Variants in DCHS1 observed in about 807,000 individuals in gnomAD.
DCHS1 encodes the protein dachsous cadherin-related 1.
A neutral mutation model predicts 213.9 loss-of-function variants in DCHS1; 78 were observed. The observed-to-expected ratio is 0.36, with a 90% confidence interval of 0.30 to 0.44. The LOEUF is 0.44. Ranked by LOEUF, DCHS1 falls within the 20% of genes least tolerant of loss-of-function variation. The pLI is 1.00. For missense variants in DCHS1, 3,946 were observed against 4,395.9 expected, an observed-to-expected ratio of 0.90 and a Z score of 2.89; for synonymous variants, 1,828 against 1,873.7, an observed-to-expected ratio of 0.98 and a Z score of 0.63.
Position 6,622,261 on chromosome 11 carries a change from C to G in DCHS1, c.9415G>C (p.Gly3139Arg). Reference sequence around the variant, plus strand: ...AGCGCACCTGCCACACATGGCTTGCCATCTGCTGGGAAGCCATAGTCCCCA... The same window carrying G: ...AGCGCACCTGCCACACATGGCTTGCGATCTGCTGGGAAGCCATAGTCCCCA... Reference protein sequence around the residue: ...PTGDYGFPADGKPCVAGALTA... With the variant: ...PTGDYGFPADRKPCVAGALTA... The change falls in exon 21 of 21, where the codon GGC (glycine) becomes CGC (arginine). Residue 3139 changes from glycine (G) to arginine (R), a missense_variant. Physicochemically the swap from Gly to Arg is moderately radical, Grantham distance 125. This residue lies in a region of DCHS1 where 554 missense variants were observed against 590.2 expected (regional missense o/e 0.94). Transcript: ENST00000299441. The surrounding 1 kb of genome is among the most constrained non-coding windows in gnomAD (Gnocchi z 5.4). 1.2e-6 allele frequency: 2 copies of G among 1,604,640 alleles called. No individual in the cohort carries two copies. Among genetic ancestry groups the G allele is most frequent in the Non-Finnish European group, 1.7e-6 (2 of 1,176,650 alleles).
At chr11:6,652,788 T>G (rs1856263109) in intron 1 of DCHS1, among the ~76,000 whole-genome samples, 1 of 152,146 alleles carries the variant, frequency 6.6e-6, no homozygotes, top group Non-Finnish European at 1.5e-5. Context: ...GAAGACCAGG[T>G]TGTCCACTCT....
Position 6,634,144 on chromosome 11 carries a change from C to A in DCHS1, c.1960G>T (p.Asp654Tyr), listed in dbSNP as rs750909567. ...LDRDQGPSSFDFTVTAVDGGG... is the reference protein window; with the variant it reads ...LDRDQGPSSFYFTVTAVDGGG... ...CCATCCACAGCTGTCACTGTGAAGT[C>A]AAAGCTTGAGGGCCCCTGGTCACGG... The change falls in exon 3 of 21, where the codon GAC becomes TAC. Residue 654 changes from aspartate to tyrosine, a missense_variant. Asp to Tyr is a radical substitution (Grantham distance 160, BLOSUM62 -3). This residue lies in a region of DCHS1 where 3,384 missense variants were observed against 3,780.1 expected (regional missense o/e 0.90). Coordinates refer to ENST00000299441, the MANE Select transcript of DCHS1 (RefSeq NM_003737.4). 1.2e-6 allele frequency: 2 copies of A among 1,607,314 alleles called. No individual in the cohort carries two copies. Among genetic ancestry groups the A allele is most frequent in the South Asian group, 2.2e-5 (2 of 90,424 alleles).
At chr11:6,646,944 AG>A (rs1212565616) in intron 1 of DCHS1, among the ~76,000 whole-genome samples, 2 of 151,910 alleles carry the variant, frequency 1.3e-5, no homozygotes, top group Non-Finnish European at 2.9e-5. Context: ...CTACAAGGGA[AG>A]GGGGTGCTCC....
Position 6,627,926 on chromosome 11 carries a change from T to A in DCHS1, c.5372-259A>T, listed in dbSNP as rs1020174184. 5.3e-5 allele frequency among the ~76,000 whole-genome samples: 8 copies of A among 152,192 alleles called. No homozygotes were observed. The highest frequency in any genetic ancestry group is 1.9e-4 in the African/African-American group (8 of 41,444). On this transcript the variant is annotated intron_variant, in intron 13 of 20. Coordinates refer to ENST00000299441, the MANE Select transcript of DCHS1 (RefSeq NM_003737.4). The surrounding 1 kb of genome is among the most constrained non-coding windows in gnomAD (Gnocchi z 5.4). ...ATTATTTCATAGCACTACTAAGCCA[T>A]TATATGGCCTTTTTATTCTCATCTC...
In DCHS1 at chr11:6,632,518, G is replaced by T; in HGVS notation, c.2994C>A (p.Pro998=). ...CACGGTAGGTAGGGCTGTTGAATCG[G>T]GGAGCCAGCCCACGGGTTCCCACAT... ...VQDVGTRGLA[P]RFNSPTYRVD... Residue 998 remains proline (P), a synonymous_variant, in exon 6 of 21, where the codon CCC becomes CCA. Coordinates refer to ENST00000299441, the MANE Select transcript of DCHS1 (RefSeq NM_003737.4). This position sits in a 1 kb window ranked among gnomAD's most constrained non-coding sequence, Gnocchi z 5.9. The T allele has an allele frequency of 6.5e-7, 1 of 1,545,024 alleles. No individual in the cohort carries two copies. The highest frequency in any genetic ancestry group is 8.7e-7 in the Non-Finnish European group (1 of 1,143,864).
rs760755094 is a variant in DCHS1, at chr11:6,627,590, C to T, written c.5449G>A (p.Val1817Met). Residue 1817 changes from valine (V) to methionine (M), a missense_variant, in exon 14 of 21, where the codon GTG becomes ATG. Val to Met is a conservative substitution (Grantham distance 21). Coordinates refer to ENST00000299441, the MANE Select transcript of DCHS1 (RefSeq NM_003737.4). The surrounding 1 kb of genome is among the most constrained non-coding windows in gnomAD (Gnocchi z 5.4). Reference protein sequence around the residue: ...FGTMRPLDREVEPAFQLRIEA... With the variant: ...FGTMRPLDREMEPAFQLRIEA... ...ATCCTCAGCTGGAAAGCTGGCTCCA[C>T]TTCTCTGTCTAGTGGCCGCATGGTG... The T allele has an allele frequency of 3.1e-6, 5 of 1,613,164 alleles. No individual in the cohort carries two copies. The South Asian group carries it at 3.3e-5, about 11-fold the overall frequency.
At position 6,622,072 on chromosome 11, in the gene DCHS1, G is replaced by A. The variant is rs1368771012; in HGVS notation, c.9604C>T (p.Pro3202Ser). ...TGGGCCACGGCAGTGATGAGGGGTG[G>A]TGGGTCGATACGGGGAGCTGGGGGA... ...PCPPAPRIDP[P>S]PLITAVAHPG... The change falls in exon 21 of 21, where the codon CCA becomes TCA. Residue 3202 changes from proline (P) to serine (S), a missense_variant. Physicochemically the swap from Pro to Ser is moderately conservative, Grantham distance 74. This residue lies in a region of DCHS1 where 554 missense variants were observed against 590.2 expected (regional missense o/e 0.94). Transcript: ENST00000299441. This position sits in a 1 kb window ranked among gnomAD's most constrained non-coding sequence, Gnocchi z 5.4. 2 of 1,612,876 alleles carry A rather than the reference G, an allele frequency of 1.2e-6. No homozygotes were observed. Among genetic ancestry groups the A allele is most frequent in the South Asian group, 1.1e-5 (1 of 91,068 alleles).
Position 6,629,583 on chromosome 11 carries a change from G to A in DCHS1, c.5036-6C>T, listed in dbSNP as rs368703927. ...AGTCACTTGCCCGTTGGCCCCTGAG[G>A]AGGGGCAGCATGGAGGGCGATCAGA... On this transcript the variant is annotated splice_polypyrimidine_tract_variant and splice_region_variant and intron_variant, in intron 11 of 20. Transcript: ENST00000299441. The A allele has an allele frequency of 4.3e-6, 7 of 1,613,676 alleles. No homozygotes were observed. The African/African-American group carries it at 5.3e-5, about 12-fold the overall frequency.
rs1044255646 is a variant in DCHS1 at position 6,621,677 on chromosome 11, C to A, written c.*102G>T. The A allele has an allele frequency of 1.4e-6, 2 of 1,393,050 alleles. No homozygotes were observed. Among genetic ancestry groups the A allele is most frequent in the Admixed American group, 2.0e-5 (1 of 50,710 alleles). The allele number at this position is 1,393,050 out of a possible 1,614,324, so 86.3% of individuals were successfully genotyped here. ...AGCTGGGGCCTGGTGGTGGCCTCCCCGTAGCCAGTCATAGTCCGAGGCTGC... is the reference window on the plus strand; with the variant it reads ...AGCTGGGGCCTGGTGGTGGCCTCCCAGTAGCCAGTCATAGTCCGAGGCTGC... On this transcript the variant is annotated 3_prime_UTR_variant, in exon 21 of 21. Transcript: ENST00000299441.
intron 5 of DCHS1, 118 bp from the exon 6 acceptor site, chr11:6,633,174 T>C: frequency 7.7e-7 from 1 of 1,294,108 alleles, no homozygotes; most frequent in South Asian, 1.5e-5. Flanking sequence ...TTCAAAATAT[T>C]AGGAGGAGGG....
intron 1 of DCHS1, among the ~76,000 whole-genome samples, chr11:6,647,645 C>T (rs928790952): frequency 6.6e-6 from 1 of 152,202 alleles, no homozygotes; most frequent in Non-Finnish European, 1.5e-5. Context: ...GGAAGGAATC[C>T]CGGCTTCCAT....
Position 6,625,797 on chromosome 11 carries a change from C to T in DCHS1, c.6732-70G>A. The T allele has an allele frequency of 1.3e-6, 2 of 1,585,860 alleles. No homozygotes were observed. Among genetic ancestry groups the T allele is most frequent in the Non-Finnish European group, 8.6e-7 (1 of 1,165,132 alleles). ...GGAACTCTGGGCAGGGCCAGGAGGA[C>T]TCAGGACAGAGCTTAGGGCTGGGGA... On this transcript the variant is annotated intron_variant, in intron 17 of 20. Coordinates refer to ENST00000299441, the MANE Select transcript of DCHS1 (RefSeq NM_003737.4). The surrounding 1 kb of genome is among the most constrained non-coding windows in gnomAD (Gnocchi z 5.3).
chr11:6,626,604 G>A lies in DCHS1; in HGVS notation c.6312C>T (p.Tyr2104=), dbSNP rs1222038604. The change falls in exon 15 of 21, where the codon TAC becomes TAT. Residue 2104 remains tyrosine, a synonymous_variant. Coordinates refer to ENST00000299441, the MANE Select transcript of DCHS1 (RefSeq NM_003737.4). The surrounding 1 kb of genome is among the most constrained non-coding windows in gnomAD (Gnocchi z 5.2). ...HAGGTNGPIT[Y]SILSGNEKGT... ...CTTTCTCATTCCCACTGAGAATGCT[G>A]TAGGTGATGGGTCCATTTGTGCCTC... 1 of 1,613,928 alleles carries A rather than the reference G, an allele frequency of 6.2e-7. No homozygotes were observed. Among genetic ancestry groups the A allele is most frequent in the African/African-American group, 1.3e-5 (1 of 74,930 alleles).
chr11:6,627,963 G>A lies in DCHS1; in HGVS notation c.5372-296C>T, dbSNP rs946213293. On this transcript the variant is annotated intron_variant, in intron 13 of 20. Transcript: ENST00000299441. The surrounding 1 kb of genome is among the most constrained non-coding windows in gnomAD (Gnocchi z 5.4). ...TTTATTCTCATCTCACAGATGTACA[G>A]TAGAATTTACAGATGCTCTATGACG... is the stretch of plus-strand genomic sequence containing the variant. Among the ~76,000 whole-genome samples, 1 of 152,208 alleles carries A rather than the reference G, an allele frequency of 6.6e-6. No individual in the cohort carries two copies. The highest frequency in any genetic ancestry group is 2.4e-5 in the African/African-American group (1 of 41,440).
Position 6,641,038 on chromosome 11 carries a change from C to T in DCHS1, c.576G>A (p.Arg192=). Residue 192 remains arginine, a synonymous_variant, in exon 2 of 21, where the codon CGG becomes CGA. Transcript: ENST00000299441. The surrounding 1 kb of genome is among the most constrained non-coding windows in gnomAD (Gnocchi z 7.1). The part of the protein sequence containing the change: ...LSGDGAGETF[R]LETRPGPDGT... The stretch of plus-strand genomic sequence containing the variant: ...CATCTGGACCGGGGCGTGTCTCCAG[C>T]CGGAAGGTCTCTCCAGCCCCATCAC... 1 of 1,614,024 alleles carries T rather than the reference C, an allele frequency of 6.2e-7. No individual in the cohort carries two copies. Among genetic ancestry groups the T allele is most frequent in the Non-Finnish European group, 8.5e-7 (1 of 1,179,900 alleles).
Position 6,632,096 on chromosome 11 carries a change from C to G in DCHS1, c.3416G>C (p.Arg1139Pro), listed in dbSNP as rs777617608. Residue 1139 changes from arginine (R) to proline (P), a missense_variant, in exon 6 of 21, where the codon CGT becomes CCT. Physicochemically the swap from Arg to Pro is moderately radical, Grantham distance 103. Coordinates refer to ENST00000299441, the MANE Select transcript of DCHS1 (RefSeq NM_003737.4). The surrounding 1 kb of genome is among the most constrained non-coding windows in gnomAD (Gnocchi z 5.9). The part of the protein sequence containing the change: ...ATDRDSGPNG[R>P]LTYSLQQLSE... Reference sequence around the variant, plus strand: ...CAGCTGTTGCAGGCTGTAGGTCAGACGTCCATTGGGTCCTGAGTCTCGGTC... The same window carrying G: ...CAGCTGTTGCAGGCTGTAGGTCAGAGGTCCATTGGGTCCTGAGTCTCGGTC... The G allele has an allele frequency of 1.3e-5, 20 of 1,550,098 alleles. No individual in the cohort carries two copies. The highest frequency in any genetic ancestry group is 2.7e-5 in the African/African-American group (2 of 73,576).
At chr11:6,645,525 C>T (rs990090455) in intron 1 of DCHS1, among the ~76,000 whole-genome samples, 5 of 152,146 alleles carry the variant, frequency 3.3e-5, no homozygotes, top group African/African-American at 1.2e-4. Context: ...TTTGTGAGCC[C>T]AGACTGTATT....
At chr11:6,642,577 T>C (rs1856095331) in intron 1 of DCHS1, among the ~76,000 whole-genome samples, 1 of 126,904 alleles carries the variant, frequency 7.9e-6, no homozygotes. Context: ...GTGAACAGTA[T>C]GTGGAAAGGC....
chr11:6,629,917 T>C lies in DCHS1; in HGVS notation c.4796-6A>G, dbSNP rs746261002. Reference sequence around the variant, plus strand: ...CCGCACCACGGACAGCGCTCCTAGGTGAGCGGTAAGGCAGGTTGGTGGGGA... The same window carrying C: ...CCGCACCACGGACAGCGCTCCTAGGCGAGCGGTAAGGCAGGTTGGTGGGGA... On this transcript the variant is annotated splice_polypyrimidine_tract_variant and splice_region_variant and intron_variant, in intron 10 of 20. Transcript: ENST00000299441. 1 of 1,610,706 alleles carries C rather than the reference T, an allele frequency of 6.2e-7. No individual in the cohort carries two copies. Among genetic ancestry groups the C allele is most frequent in the South Asian group, 1.1e-5 (1 of 90,998 alleles).
Sources: gnomAD v4.1 joint callset for allele counts (sites outside exome capture counted in the v4.1 genomes callset) on GRCh38, gnomAD v4.1.1 for gene constraint, gnomAD v4.1.1 regional missense constraint, Gnocchi (gnomAD v3.1) non-coding constraint, MANE v1.5 for transcripts, NCBI Gene and HGNC (gene_info 2026-07-23, HGNC 2026-07-21) for gene names.